The following TDRP variants were observed in gnomAD, a reference collection of about 807,000 sequenced individuals.
TDRP encodes testis development related protein.
In TDRP, 12 loss-of-function variants were observed where a neutral mutation model predicts 10.5. That is an observed-to-expected ratio of 1.15 (90% confidence interval 0.73 to 1.86). The LOEUF is 1.86. Among genes scored for constraint, TDRP ranks in the 40% most tolerant of loss-of-function variants. TDRP has a pLI of 0.00. For synonymous variants in TDRP, 139 were observed against 95.4 expected (o/e 1.46, Z -2.67); for missense variants, 353 against 229.2 (o/e 1.54, Z -3.49).
chr8:531,606 G>A (rs941051387), intron 1 of TDRP, among the ~76,000 whole-genome samples: 3 of 152,226 alleles, frequency 2.0e-5, no homozygotes, highest in Non-Finnish European at 4.4e-5. Flanking sequence ...GCGTAAGGAT[G>A]CCATCTTTAA....
At position 491,918 on chromosome 8, in the gene TDRP, G is replaced by T; in HGVS notation, c.*481C>A. On this transcript the variant is annotated 3_prime_UTR_variant, in exon 3 of 3. Coordinates refer to ENST00000324079, the MANE Select transcript of TDRP (RefSeq NM_001384899.1). Reference sequence around the variant, plus strand: ...ATAAGAACAAAGTTTAATTTGTCAAGTTAAACAAAATTTAACATAACTTTG... The same window carrying T: ...ATAAGAACAAAGTTTAATTTGTCAATTTAAACAAAATTTAACATAACTTTG... The T allele has an allele frequency of 1.8e-6, 2 of 1,142,214 alleles. No individual in the cohort carries two copies. Among genetic ancestry groups the T allele is most frequent in the Non-Finnish European group, 1.1e-6 (1 of 932,052 alleles). The allele number at this position is 1,142,214 out of a possible 1,614,324, so 70.8% of individuals were successfully genotyped here.
At chr8:518,218 T>G (rs556864072) in intron 1 of TDRP, among the ~76,000 whole-genome samples, 3 of 152,142 alleles carry the variant, frequency 2.0e-5, no homozygotes, top group African/African-American at 7.2e-5. Context: ...GTAGGGAAGG[T>G]AGGGGCCAGG....
intron 1 of TDRP, among the ~76,000 whole-genome samples, chr8:523,609 G>C (rs892873382): frequency 1.3e-5 from 2 of 152,200 alleles, no homozygotes; most frequent in Non-Finnish European, 2.9e-5. Flanking sequence ...GCATTCACGA[G>C]CTGACTAAAG....
Position 500,530 on chromosome 8 carries a change from A to T in TDRP, c.109-5933T>A, listed in dbSNP as rs576315777. ...AGAGATCCTCATCTAACCAAGTGAC[A>T]CTCTCAGAAGTGCCATCCTTCATAC... On this transcript the variant is annotated intron_variant, in intron 1 of 2. Coordinates refer to ENST00000324079, the MANE Select transcript of TDRP (RefSeq NM_001384899.1). 1.3e-4 allele frequency among the ~76,000 whole-genome samples: 20 copies of T among 152,290 alleles called. No individual in the cohort carries two copies. The East Asian group carries it at 3.5e-3, about 26-fold the overall frequency.
At chr8:524,445 A>G (rs1801985184) in intron 1 of TDRP, among the ~76,000 whole-genome samples, 1 of 151,736 alleles carries the variant, frequency 6.6e-6, no homozygotes, top group Non-Finnish European at 1.5e-5. Context: ...CTCACCAAAC[A>G]AACTAAAGGC....
chr8:519,302 C>T (rs1367812786), intron 1 of TDRP, among the ~76,000 whole-genome samples: 2 of 152,124 alleles, frequency 1.3e-5, no homozygotes, highest in Non-Finnish European at 1.5e-5. Context: ...TGTTCCTCCG[C>T]TGTATCCTTT....
chr8:506,413 G>A (rs961896161), intron 1 of TDRP, among the ~76,000 whole-genome samples: 2 of 152,186 alleles, frequency 1.3e-5, no homozygotes, highest in Admixed American at 6.5e-5. Flanking sequence ...CATCCCAGGA[G>A]GAACTGGACT....
intron 1 of TDRP, among the ~76,000 whole-genome samples, chr8:498,579 T>G (rs1194653981): frequency 6.6e-6 from 1 of 152,334 alleles, no homozygotes; most frequent in Admixed American, 6.5e-5. Context: ...TTGTCTCAGA[T>G]GAGACTTTGG....
intron 1 of TDRP, among the ~76,000 whole-genome samples, chr8:530,210 G>C (rs951887526): frequency 8.7e-6 from 1 of 114,460 alleles, no homozygotes; most frequent in East Asian, 2.4e-4. Flanking sequence ...TTATAGTTCT[G>C]TCTTGTTGTT....
At position 491,895 on chromosome 8, in the gene TDRP, A is replaced by G. The variant is rs1436585746; in HGVS notation, c.*504T>C. The stretch of plus-strand genomic sequence containing the variant: ...GTATTTGTTTACGTATTTGTTTAAT[A>G]AGAACAAAGTTTAATTTGTCAAGTT... On this transcript the variant is annotated 3_prime_UTR_variant, in exon 3 of 3. Transcript: ENST00000324079. 2 of 1,171,950 alleles carry G rather than the reference A, an allele frequency of 1.7e-6. No homozygotes were observed. The highest frequency in any genetic ancestry group is 3.7e-5 in the South Asian group (1 of 27,108). 72.6% of individuals were successfully genotyped at this position (1,171,950 alleles called of 1,614,324 possible).
chr8:515,666 T>G (rs1272018877), intron 1 of TDRP, among the ~76,000 whole-genome samples: 1 of 152,220 alleles, frequency 6.6e-6, no homozygotes, highest in Non-Finnish European at 1.5e-5. Flanking sequence ...TTGGGCAGCC[T>G]CTAACATTAC....
At chr8:507,030 G>C (rs778353055) in intron 1 of TDRP, among the ~76,000 whole-genome samples, 1 of 152,186 alleles carries the variant, frequency 6.6e-6, no homozygotes, top group Non-Finnish European at 1.5e-5. Context: ...AGCATGGCTG[G>C]GAAGCTTTGG....
At position 531,013 on chromosome 8, in the gene TDRP, C is replaced by A. The variant is rs1044272623; in HGVS notation, c.108+13637G>T. Among the ~76,000 whole-genome samples the A allele has an allele frequency of 5.3e-5, 8 of 152,138 alleles. No homozygotes were observed. The South Asian group carries it at 1.4e-3, about 28-fold the overall frequency. Reference sequence around the variant, plus strand: ...AAAGTATGCCAGTTCCCAGTCAGCACTGAGTCAGGAGAGACAGAAACCAGT... The same window carrying A: ...AAAGTATGCCAGTTCCCAGTCAGCAATGAGTCAGGAGAGACAGAAACCAGT... On this transcript the variant is annotated intron_variant, in intron 1 of 2. Coordinates refer to ENST00000324079, the MANE Select transcript of TDRP (RefSeq NM_001384899.1).
chr8:502,349 G>A (rs1801328472), intron 1 of TDRP, among the ~76,000 whole-genome samples: 1 of 152,186 alleles, frequency 6.6e-6, no homozygotes, highest in Non-Finnish European at 1.5e-5. Flanking sequence ...CATCAGATGA[G>A]ACCCATCAGG....
intron 1 of TDRP, among the ~76,000 whole-genome samples, chr8:528,209 A>G (rs191723957): frequency 2.0e-5 from 3 of 152,370 alleles, no homozygotes; most frequent in Non-Finnish European, 4.4e-5. Context: ...CTACAATGAG[A>G]TATCACTCAC....
At chr8:542,161 A>G (rs1021615546) in intron 1 of TDRP, among the ~76,000 whole-genome samples, 5 of 152,196 alleles carry the variant, frequency 3.3e-5, no homozygotes, top group African/African-American at 4.8e-5. Flanking sequence ...AACCTACCTG[A>G]AAAAGCTACA....
chr8:516,833 G>C lies in TDRP; in HGVS notation c.109-22236C>G, dbSNP rs138211186. ...ATGGATGTTTATGGCAGCTTTATTC[G>C]GAAATGCTAGAACTTGGAAGCAACC... On this transcript the variant is annotated intron_variant, in intron 1 of 2. Transcript: ENST00000324079. Among the ~76,000 whole-genome samples the C allele has an allele frequency of 5.9e-5, 9 of 152,282 alleles. No individual in the cohort carries two copies. The East Asian group carries it at 1.7e-3, about 29-fold the overall frequency.
intron 1 of TDRP, among the ~76,000 whole-genome samples, chr8:537,299 G>C (rs957733581): frequency 7.2e-5 from 11 of 152,196 alleles, no homozygotes; most frequent in African/African-American, 2.4e-4. Context: ...GCACAAGTGA[G>C]AAGTGCCTGA....
At position 492,332 on chromosome 8, in the gene TDRP, C is replaced by G; in HGVS notation, c.*67G>C. The G allele has an allele frequency of 7.2e-7, 1 of 1,395,330 alleles. No individual in the cohort carries two copies. The highest frequency in any genetic ancestry group is 9.3e-7 in the Non-Finnish European group (1 of 1,070,708). 86.4% of individuals were successfully genotyped at this position (1,395,330 alleles called of 1,614,324 possible). ...TCTATTCTTTCTAACGCGGAAAAGA[C>G]TCAACAACTACATGGTATACTCATA... On this transcript the variant is annotated 3_prime_UTR_variant, in exon 3 of 3. Transcript: ENST00000324079.
Sources: allele counts gnomAD v4.1 joint callset (sites outside exome capture counted in the v4.1 genomes callset), GRCh38; gene constraint gnomAD v4.1.1; transcripts MANE v1.5; gene names NCBI Gene and HGNC (gene_info 2026-07-23, HGNC 2026-07-21).